The following SRCIN1 variants were observed in gnomAD, a reference collection of about 807,000 sequenced individuals.
The protein encoded by SRCIN1 is P130Cas-associated protein.
A neutral mutation model predicts 116.2 loss-of-function variants in SRCIN1; 50 were observed. The observed-to-expected ratio is 0.43, with a 90% CI of 0.34 to 0.54. The LOEUF is 0.54. Among genes scored for constraint, SRCIN1 ranks in the 20% least tolerant of loss-of-function variants. The pLI is 0.02. For missense variants in SRCIN1, 1,446 were observed against 1,672.0 expected (o/e 0.86, Z 2.36); for synonymous variants, 736 against 750.0 (o/e 0.98, Z 0.30).
intron 18 of SRCIN1, among the ~76,000 whole-genome samples, chr17:38,536,992 C>T (rs1904416783): frequency 6.7e-6 from 1 of 150,230 alleles, no homozygotes; most frequent in Non-Finnish European, 1.5e-5. Context: ...GCCTGGCCAA[C>T]ACAGTGAAAC....
In SRCIN1 at chr17:38,561,559, G is replaced by A. The variant is rs1906242221; in HGVS notation, c.1604C>T (p.Thr535Met). The change falls in exon 7 of 19, where the codon ACG (threonine) becomes ATG (methionine). Residue 535 changes from threonine to methionine, a missense_variant. Physicochemically the swap from Thr to Met is moderately conservative, Grantham distance 81. This residue lies in a region of SRCIN1 where 398 missense variants were observed against 385.6 expected (regional missense o/e 1.03). Transcript: ENST00000617146. ...GAGCTCCGAAGGGGGAGCTCCGGCC[G>A]TCGAGGCGCTCCCCGCGCTGCGGGT... The part of the protein sequence containing the change: ...GKTRSAGSAS[T>M]AGAPPSELFP... 1.9e-6 allele frequency: 3 copies of A among 1,600,998 alleles called. No individual in the cohort carries two copies. Among genetic ancestry groups the A allele is most frequent in the South Asian group, 1.1e-5 (1 of 90,390 alleles).
In SRCIN1 at chr17:38,558,186, C is replaced by T. The variant is rs979038329; in HGVS notation, c.2201+41G>A. 37 of 1,599,152 alleles carry T rather than the reference C, an allele frequency of 2.3e-5. No homozygotes were observed. Among genetic ancestry groups the T allele is most frequent in the Non-Finnish European group, 2.7e-5 (32 of 1,171,486 alleles). On this transcript the variant is annotated intron_variant, in intron 11 of 18. Coordinates refer to ENST00000617146, the MANE Select transcript of SRCIN1 (RefSeq NM_025248.3). The surrounding 1 kb of genome is among the most constrained non-coding windows in gnomAD (Gnocchi z 4.6). ...GAAACCAGGTTGCGGGTCACTCCAGCCGCACCCCCACCCCTCCCTCCGCCG... is the reference window on the plus strand; with the variant it reads ...GAAACCAGGTTGCGGGTCACTCCAGTCGCACCCCCACCCCTCCCTCCGCCG...
intron 1 of SRCIN1, among the ~76,000 whole-genome samples, chr17:38,605,255 C>T (rs1328090555): frequency 6.6e-6 from 1 of 150,934 alleles, no homozygotes; most frequent in Non-Finnish European, 1.5e-5. Context: ...CATCCCCTTC[C>T]CCTCCCCTGC....
intron 1 of SRCIN1, among the ~76,000 whole-genome samples, chr17:38,581,481 T>TTTA (rs1555611400): frequency 6.7e-6 from 1 of 149,858 alleles, no homozygotes; most frequent in Non-Finnish European, 1.5e-5. Flanking sequence ...TTTTTTTTTT[T>TTTA]AAATACCTTT....
At position 38,531,384 on chromosome 17, in the gene SRCIN1, G is replaced by A. The variant is rs930141818; in HGVS notation, c.*1913C>T. The A allele has an allele frequency of 2.7e-5, 4 of 147,226 alleles. No individual in the cohort carries two copies. In the Admixed American group the frequency reaches 2.7e-4, roughly 10 times the overall value. The allele number at this position is 147,226 out of a possible 1,614,324, so 9.1% of individuals were successfully genotyped here. A position where few individuals can be genotyped will look rare whatever the true frequency, so the allele number is the denominator to read the frequency against. On this transcript the variant is annotated 3_prime_UTR_variant, in exon 19 of 19. Coordinates refer to ENST00000617146, the MANE Select transcript of SRCIN1 (RefSeq NM_025248.3). Reference sequence around the variant, plus strand: ...AAACAGTGGCCAGGGAGAGTGCCGTGGTTTTCTTTTTTTTTTCTTTTTTAA... The same window carrying A: ...AAACAGTGGCCAGGGAGAGTGCCGTAGTTTTCTTTTTTTTTTCTTTTTTAA...
rs1906141275 is a variant in SRCIN1 at position 38,560,215 on chromosome 17, G to A, written c.1793+118C>T. On this transcript the variant is annotated intron_variant, in intron 8 of 18. Coordinates refer to ENST00000617146, the MANE Select transcript of SRCIN1 (RefSeq NM_025248.3). Reference sequence around the variant, plus strand: ...TCCGATCTCAGGATGGAGTCCCAGAGAAGGGAAGGGATTCACCCAGGGTCA... The same window carrying A: ...TCCGATCTCAGGATGGAGTCCCAGAAAAGGGAAGGGATTCACCCAGGGTCA... 5 of 1,390,172 alleles carry A rather than the reference G, an allele frequency of 3.6e-6. No homozygotes were observed. In the Admixed American group the frequency reaches 9.2e-5, roughly 25 times the overall value. The allele number at this position is 1,390,172 out of a possible 1,614,324, so 86.1% of individuals were successfully genotyped here.
At chr17:38,588,073 G>A (rs1413507927) in intron 1 of SRCIN1, among the ~76,000 whole-genome samples, 3 of 148,150 alleles carry the variant, frequency 2.0e-5, no homozygotes, top group African/African-American at 7.6e-5. Context: ...AAAAAAAAAA[G>A]GAAGAAGAAG....
intron 14 of SRCIN1, 74 bp downstream of exon 14, chr17:38,551,812 C>G (rs1221562490): frequency 6.2e-7 from 1 of 1,604,138 alleles, no homozygotes. Context: ...TGGCACTCCC[C>G]ACTCTAGGAA....
In SRCIN1 at chr17:38,562,489, T is replaced by C. The variant is rs1906339294; in HGVS notation, c.835-161A>G. The stretch of plus-strand genomic sequence containing the variant: ...GTCTAGGGTCCCTTTCCCATCAGGG[T>C]TCCTAGCATGGAGGAAAAGGTGGCC... On this transcript the variant is annotated intron_variant, in intron 6 of 18. Transcript: ENST00000617146. The surrounding 1 kb of genome is among the most constrained non-coding windows in gnomAD (Gnocchi z 4.2). Among the ~76,000 whole-genome samples, 1 of 152,200 alleles carries C rather than the reference T, an allele frequency of 6.6e-6. No homozygotes were observed. The highest frequency in any genetic ancestry group is 2.1e-4 in the South Asian group (1 of 4,816).
chr17:38,589,983 G>A (rs1232689601), intron 1 of SRCIN1, among the ~76,000 whole-genome samples: 1 of 152,222 alleles, frequency 6.6e-6, no homozygotes, highest in Non-Finnish European at 1.5e-5. Flanking sequence ...GGAAGCCAGG[G>A]CCTGGTCAGA....
intron 3 of SRCIN1, among the ~76,000 whole-genome samples, chr17:38,565,319 G>C (rs1202877062): frequency 1.3e-5 from 2 of 152,106 alleles, no homozygotes; most frequent in African/African-American, 4.8e-5. Flanking sequence ...TAATGAATCC[G>C]ATCTACATCA....
chr17:38,562,286 G>A lies in SRCIN1; in HGVS notation c.877C>T (p.Arg293Cys). ...GGCGCTGGTGACAGGTTGTTGAGGC[G>A]CCGCGTGGGCGAGGACTCCCGCGAT... Reference protein sequence around the residue: ...YASRESSPTRRLNNLSPAPHL... With the variant: ...YASRESSPTRCLNNLSPAPHL... Residue 293 changes from arginine to cysteine, a missense_variant, in exon 7 of 19, where the codon CGC (arginine) becomes TGC (cysteine). By Grantham distance (180) the Arg-to-Cys change is radical. Coordinates refer to ENST00000617146, the MANE Select transcript of SRCIN1 (RefSeq NM_025248.3). The surrounding 1 kb of genome is among the most constrained non-coding windows in gnomAD (Gnocchi z 4.2). The A allele has an allele frequency of 2.7e-6, 4 of 1,477,338 alleles. No individual in the cohort carries two copies. Among genetic ancestry groups the A allele is most frequent in the South Asian group, 2.6e-5 (2 of 78,108 alleles). 91.5% of individuals were successfully genotyped at this position (1,477,338 alleles called of 1,614,324 possible).
At position 38,571,677 on chromosome 17, in the gene SRCIN1, C is replaced by T. The variant is rs3848396; in HGVS notation, c.325-3446G>A. 3.8e-3 allele frequency among the ~76,000 whole-genome samples: 573 copies of T among 152,280 alleles called. 4 individuals carry two copies. The highest frequency in any genetic ancestry group is 6.8e-3 in the Middle Eastern group (2 of 294). ...TAGGGGAGACCCCGGCAGGGGCAACCACTTGTGGGGAAGAATCTTAAAGGA... is the reference window on the plus strand; with the variant it reads ...TAGGGGAGACCCCGGCAGGGGCAACTACTTGTGGGGAAGAATCTTAAAGGA... On this transcript the variant is annotated intron_variant, in intron 2 of 18. Transcript: ENST00000617146.
intron 1 of SRCIN1, among the ~76,000 whole-genome samples, chr17:38,593,193 A>G (rs1277224474): frequency 2.6e-5 from 4 of 152,062 alleles, no homozygotes; most frequent in Non-Finnish European, 4.4e-5. Flanking sequence ...AGGAGCAGGA[A>G]TGGGAGGTGA....
At chr17:38,580,111 G>C (rs1474924349) in intron 1 of SRCIN1, among the ~76,000 whole-genome samples, 1 of 152,148 alleles carries the variant, frequency 6.6e-6, no homozygotes, top group Non-Finnish European at 1.5e-5. Context: ...GGCAACAGGG[G>C]ACGCGGCTGG....
At chr17:38,564,717 G>A (rs545182355) in intron 3 of SRCIN1, among the ~76,000 whole-genome samples, 9 of 138,810 alleles carry the variant, frequency 6.5e-5, no homozygotes, top group Middle Eastern at 3.6e-3. Context: ...GTTTGTGAGC[G>A]GAGAATTTAT....
At position 38,533,212 on chromosome 17, in the gene SRCIN1, G is replaced by C; in HGVS notation, c.*85C>G. 6.8e-7 allele frequency: 1 copy of C among 1,474,198 alleles called. No homozygotes were observed. The highest frequency in any genetic ancestry group is 9.0e-7 in the Non-Finnish European group (1 of 1,109,918). 91.3% of individuals were successfully genotyped at this position (1,474,198 alleles called of 1,614,324 possible). On this transcript the variant is annotated 3_prime_UTR_variant, in exon 19 of 19. Transcript: ENST00000617146. The stretch of plus-strand genomic sequence containing the variant: ...CCTCAGGGCGTCTGGAGAGTAGGGT[G>C]GGGTGGGGTGGAGATGAAGGAAGAG...
At chr17:38,538,802 A>G (rs1406367862) in intron 18 of SRCIN1, among the ~76,000 whole-genome samples, 1 of 152,196 alleles carries the variant, frequency 6.6e-6, no homozygotes, top group East Asian at 1.9e-4. Flanking sequence ...CTAAGACAGC[A>G]GAATTTGTAG....
At chr17:38,590,551 G>A (rs1249050951) in intron 1 of SRCIN1, among the ~76,000 whole-genome samples, 1 of 152,174 alleles carries the variant, frequency 6.6e-6, no homozygotes, top group Non-Finnish European at 1.5e-5. Context: ...AACCACCCTT[G>A]AACACCCACA....
Sources: gnomAD v4.1 joint callset for allele counts (sites outside exome capture counted in the v4.1 genomes callset) on GRCh38, gnomAD v4.1.1 for gene constraint, gnomAD v4.1.1 regional missense constraint, Gnocchi (gnomAD v3.1) non-coding constraint, MANE v1.5 for transcripts, NCBI Gene and HGNC (gene_info 2026-07-23, HGNC 2026-07-21) for gene names.